IFT46: variants seen among roughly 807,000 people sequenced by gnomAD.
The protein encoded by IFT46 is intraflagellar transport 46.
A neutral mutation model predicts 39.6 loss-of-function variants in IFT46; 19 were observed. The ratio of observed to expected loss-of-function variants is 0.48; its 90% confidence interval spans 0.33 to 0.70. IFT46 has a LOEUF of 0.70. Ranked by LOEUF, IFT46 falls within the 30% of genes least tolerant of loss-of-function variation. IFT46 has a pLI of 0.01. For synonymous variants in IFT46, 117 were observed against 134.8 expected, an observed-to-expected ratio of 0.87 and a Z score of 0.91; for missense variants, 334 against 364.8, an observed-to-expected ratio of 0.92 and a Z score of 0.69.
At chr11:118,573,297 C>T (rs1009104808), upstream of IFT46, among the ~76,000 whole-genome samples, 5 of 152,258 alleles carry the variant, frequency 3.3e-5, no homozygotes, top group East Asian at 3.9e-4. Flanking sequence ...GTGTATGTGG[C>T]ATGTCGTAGT....
intron 3 of IFT46, among the ~76,000 whole-genome samples, chr11:118,559,506 T>G (rs1937958453): frequency 6.6e-6 from 1 of 152,216 alleles, no homozygotes; most frequent in Admixed American, 6.5e-5. Context: ...TATTTAAAAA[T>G]AAGTACCTCA....
chr11:118,549,925 CTTT>C (rs1205953002), intron 9 of IFT46, among the ~76,000 whole-genome samples: 2 of 136,010 alleles, frequency 1.5e-5, no homozygotes, highest in Non-Finnish European at 3.2e-5. Flanking sequence ...TCCATTATGA[CTTT>C]TTTTTTTTTT....
chr11:118,554,634 A>G (rs782384517), intron 6 of IFT46, 47 bp from the exon 7 acceptor site: 1 of 1,555,148 alleles, frequency 6.4e-7, no homozygotes, highest in Admixed American at 2.0e-5. Flanking sequence ...TGTTTCCAAT[A>G]AGTTAAGAGG....
At chr11:118,559,632 G>A (rs1555070195) in intron 3 of IFT46, among the ~76,000 whole-genome samples, 153 bp downstream of exon 3, 1 of 152,142 alleles carries the variant, frequency 6.6e-6, no homozygotes, top group African/African-American at 2.4e-5. Context: ...AAAATCTCAA[G>A]GCTCTTTGTA....
intron 9 of IFT46, 77 bp downstream of exon 9, chr11:118,551,709 G>T: frequency 8.4e-6 from 8 of 955,222 alleles, no homozygotes; most frequent in African/African-American, 1.7e-5. Flanking sequence ...TAATAATAAT[G>T]GAGGAAGAGA....
chr11:118,574,247 T>G (rs1247050883), upstream of IFT46, among the ~76,000 whole-genome samples: 1 of 152,214 alleles, frequency 6.6e-6, no homozygotes, highest in East Asian at 1.9e-4. Flanking sequence ...CAGTACATTC[T>G]GCTCTGTAGA....
upstream of IFT46, among the ~76,000 whole-genome samples, chr11:118,573,443 A>G (rs1938404712): frequency 6.6e-6 from 1 of 152,164 alleles, no homozygotes. Flanking sequence ...GATGGAGGAA[A>G]TCAGAACTGC....
At chr11:118,555,137 A>G in intron 5 of IFT46, 54 bp from the exon 6 acceptor site, 5 of 1,543,964 alleles carry the variant, frequency 3.2e-6, no homozygotes, top group Non-Finnish European at 4.5e-6. Flanking sequence ...TTACTTTACT[A>G]TTCAGGCTAA....
At chr11:118,572,770 C>G in exon 1 of IFT46, 2 of 496,640 alleles carry the variant, frequency 4.0e-6, no homozygotes, top group South Asian at 6.7e-5. Flanking sequence ...GCTTCCGCAC[C>G]ACCCCCCAAC....
Position 118,544,714 on chromosome 11 carries a change from C to G in IFT46, c.*202G>C. 1 of 540,602 alleles carries G rather than the reference C, an allele frequency of 1.8e-6. No individual in the cohort carries two copies. Among genetic ancestry groups the G allele is most frequent in the Non-Finnish European group, 3.3e-6 (1 of 302,778 alleles). The allele number at this position is 540,602 out of a possible 1,614,324, so 33.5% of individuals were successfully genotyped here. A position where few individuals can be genotyped will look rare whatever the true frequency, so the allele number is the denominator to read the frequency against. ...CACAGTGGTGTAGATGCATTAACTC[C>G]CCGGGGACAGCAATCTGAGGCAGGC... is the stretch of plus-strand genomic sequence containing the variant. On this transcript the variant is annotated 3_prime_UTR_variant, in exon 12 of 12. Transcript: ENST00000264021.
At position 118,572,595 on chromosome 11, in the gene IFT46, C is replaced by T. The variant is rs1555072648; in HGVS notation, c.-133+1G>A. On this transcript the variant is annotated splice_donor_variant, in intron 1 of 5. Coordinates refer to the IFT46 transcript ENST00000528378. LOFTEE classifies it low-confidence loss of function (5UTR_SPLICE). The stretch of plus-strand genomic sequence containing the variant: ...CCGAACTCCTGGGGTCCGAGCCTCA[C>T]CGTCTCTCCTTGTCGGCGGGCCTGG... 1 of 1,596,346 alleles carries T rather than the reference C, an allele frequency of 6.3e-7. No individual in the cohort carries two copies. Among genetic ancestry groups the T allele is most frequent in the Admixed American group, 1.7e-5 (1 of 57,870 alleles).
chr11:118,574,465 A>G (rs1938435552), upstream of IFT46, among the ~76,000 whole-genome samples: 1 of 152,174 alleles, frequency 6.6e-6, no homozygotes, highest in South Asian at 2.1e-4. Flanking sequence ...GTGAATACCC[A>G]TATAACCACC....
chr11:118,554,963 G>A (rs377244915), intron 6 of IFT46, 27 bp downstream of exon 6: 24 of 1,497,614 alleles, frequency 1.6e-5, no homozygotes, highest in Non-Finnish European at 2.1e-5. Flanking sequence ...CACTTAAGGA[G>A]TCATTTTCAG....
At chr11:118,555,172 T>C in intron 5 of IFT46, 76 bp downstream of exon 5, 2 of 1,534,200 alleles carry the variant, frequency 1.3e-6, no homozygotes, top group Middle Eastern at 1.7e-4. Context: ...GGAATGGCCC[T>C]GTTTCAGACT....
At chr11:118,559,657 A>C in intron 3 of IFT46, 128 bp downstream of exon 3, 1 of 737,158 alleles carries the variant, frequency 1.4e-6, no homozygotes. Context: ...ATTTTCCTCC[A>C]TGAGCTCAAA....
intron 9 of IFT46, chr11:118,547,065 A>G (rs1486567725): frequency 6.6e-6 from 1 of 152,220 alleles, no homozygotes; most frequent in African/African-American, 2.4e-5. Context: ...TCCATTGCAT[A>G]GTATTTCACT....
chr11:118,558,113 C>T (rs1314239487), intron 3 of IFT46, among the ~76,000 whole-genome samples: 1 of 142,250 alleles, frequency 7.0e-6, no homozygotes, highest in Admixed American at 6.8e-5. Context: ...ATTTATTATA[C>T]ATAAAGTATA....
chr11:118,566,379 T>C (rs115951984), upstream of IFT46, among the ~76,000 whole-genome samples: 2,379 of 152,302 alleles, frequency 0.016, 75 homozygotes, highest in African/African-American at 0.053. Context: ...AAATTATTCC[T>C]TGGGTATCTG....
intron 2 of IFT46, among the ~76,000 whole-genome samples, chr11:118,561,924 A>G (rs1938070061): frequency 6.6e-6 from 1 of 152,190 alleles, no homozygotes; most frequent in African/African-American, 2.4e-5. Flanking sequence ...AGATTGCTTG[A>G]GCCTAGGAGT....
Sources: allele counts gnomAD v4.1 joint callset (sites outside exome capture counted in the v4.1 genomes callset), GRCh38; gene constraint gnomAD v4.1.1; transcripts MANE v1.5; gene names NCBI Gene and HGNC (gene_info 2026-07-23, HGNC 2026-07-21).